The following ARHGAP26 variants were observed in gnomAD, a reference collection of about 807,000 sequenced individuals.
ARHGAP26 encodes the protein Rho GTPase activating protein 26, also known as rho GTPase-activating protein 26.
A neutral mutation model predicts 104.8 loss-of-function variants in ARHGAP26; 38 were observed. The ratio of observed to expected loss-of-function variants is 0.36; its 90% CI spans 0.28 to 0.48. The LOEUF (loss-of-function observed/expected upper bound fraction) is 0.48, where lower values mean the gene tolerates loss of function less well. Among genes scored for constraint, ARHGAP26 ranks in the 20% least tolerant of loss-of-function variants. The probability of loss-of-function intolerance (pLI) is 0.99; values close to 1 mark genes in which losing one functional copy is unlikely to be tolerated. For synonymous variants in ARHGAP26, 341 were observed against 340.0 expected (o/e 1.00, Z -0.03); for missense variants, 704 against 947.9 (o/e 0.74, Z 3.38).
chr5:143,066,849 G>T (rs3822393), intron 17 of ARHGAP26, among the ~76,000 whole-genome samples: 1 of 152,052 alleles, frequency 6.6e-6, no homozygotes, highest in Non-Finnish European at 1.5e-5. Flanking sequence ...CAGCACAGGG[G>T]CAGCTGGGAG....
At chr5:143,137,500 G>A (rs1798033271) in intron 19 of ARHGAP26, among the ~76,000 whole-genome samples, 1 of 152,158 alleles carries the variant, frequency 6.6e-6, no homozygotes, top group Non-Finnish European at 1.5e-5. Context: ...CTGGTTGGAG[G>A]GATATGCTGT....
At chr5:142,884,575 T>C (rs565981215) in intron 4 of ARHGAP26, among the ~76,000 whole-genome samples, 2 of 152,342 alleles carry the variant, frequency 1.3e-5, no homozygotes, top group Admixed American at 1.3e-4. Context: ...CAAGTTTATA[T>C]AATGCTGTTT....
At chr5:142,967,278 A>G (rs1430079285) in intron 11 of ARHGAP26, among the ~76,000 whole-genome samples, 1 of 152,190 alleles carries the variant, frequency 6.6e-6, no homozygotes, top group African/African-American at 2.4e-5. Context: ...GAGAAGTCAG[A>G]TATATGTAAA....
At chr5:142,919,084 T>C (rs1215960909) in intron 10 of ARHGAP26, 28 of 397,212 alleles carry the variant, frequency 7.0e-5, no homozygotes, top group Non-Finnish European at 3.1e-5. Context: ...AATCATATGC[T>C]GAAGTCCTAA....
chr5:142,856,488 T>G (rs1752373625), intron 1 of ARHGAP26, among the ~76,000 whole-genome samples: 1 of 152,110 alleles, frequency 6.6e-6, no homozygotes, highest in African/African-American at 2.4e-5. Flanking sequence ...CCCCTAGGTT[T>G]TGGTAACAAT....
At chr5:143,044,225 G>T (rs1475869199) in intron 14 of ARHGAP26, among the ~76,000 whole-genome samples, 1 of 152,194 alleles carries the variant, frequency 6.6e-6, no homozygotes, top group Admixed American at 6.5e-5. Flanking sequence ...CATATAACTG[G>T]TAAATCCAAG....
chr5:142,970,451 A>G (rs1280576641), intron 11 of ARHGAP26, among the ~76,000 whole-genome samples: 16 of 152,168 alleles, frequency 1.1e-4, no homozygotes, highest in Admixed American at 1.0e-3. Context: ...CTTAGGTTAC[A>G]TCTTTGTGTG....
intron 20 of ARHGAP26, among the ~76,000 whole-genome samples, chr5:143,173,743 C>T (rs1271684375): frequency 6.6e-6 from 1 of 152,110 alleles, no homozygotes; most frequent in East Asian, 1.9e-4. Context: ...CTATGAATGT[C>T]CTAAATCAGA....
intron 12 of ARHGAP26, among the ~76,000 whole-genome samples, chr5:143,023,741 G>A (rs546474220): frequency 9.5e-4 from 145 of 152,300 alleles, no homozygotes; most frequent in Non-Finnish European, 1.8e-3. Flanking sequence ...TGGCCTGGCC[G>A]CCTATGCACT....
At chr5:143,149,779 G>A (rs1799594465) in intron 20 of ARHGAP26, among the ~76,000 whole-genome samples, 2 of 152,158 alleles carry the variant, frequency 1.3e-5, no homozygotes, top group African/African-American at 4.8e-5. Flanking sequence ...AAAGAACAAA[G>A]GTGGGCTGGG....
chr5:142,801,674 TGAA>T (rs1160367305), intron 1 of ARHGAP26, among the ~76,000 whole-genome samples: 1 of 151,810 alleles, frequency 6.6e-6, no homozygotes, highest in Non-Finnish European at 1.5e-5. Context: ...AATATGATGA[TGAA>T]GAATTCCCAC....
At chr5:142,812,192 A>C (rs74561598) in intron 1 of ARHGAP26, among the ~76,000 whole-genome samples, 2,151 of 151,810 alleles carry the variant, frequency 0.014, 45 homozygotes, top group East Asian at 0.073. Context: ...TGCTGTAAGG[A>C]TCTTTTTAAC....
rs1389376856 is a variant in ARHGAP26, at chr5:142,885,415, A to G, written c.486+16A>G. Reference sequence around the variant, plus strand: ...GCTTCAGGAGGTAAGAGACTTTATTAGTATCCTGAATAAAGTGTTCAATTT... The same window carrying G: ...GCTTCAGGAGGTAAGAGACTTTATTGGTATCCTGAATAAAGTGTTCAATTT... On this transcript the variant is annotated intron_variant, in intron 5 of 22. Transcript: ENST00000645722. 6 of 1,588,124 alleles carry G rather than the reference A, an allele frequency of 3.8e-6. No individual in the cohort carries two copies. The highest frequency in any genetic ancestry group is 1.1e-5 in the South Asian group (1 of 90,034).
At chr5:143,056,115 G>A in intron 16 of ARHGAP26, 29 bp downstream of exon 16, 1 of 1,580,178 alleles carries the variant, frequency 6.3e-7, no homozygotes, top group Non-Finnish European at 8.7e-7. Flanking sequence ...AGTTTTAAGG[G>A]GAAGAGAATA....
At chr5:143,144,339 A>G (rs1798907029) in intron 19 of ARHGAP26, among the ~76,000 whole-genome samples, 1 of 152,098 alleles carries the variant, frequency 6.6e-6, no homozygotes, top group African/African-American at 2.4e-5. Context: ...AGCAGTACTC[A>G]TTTGCCTAGC....
At chr5:143,049,104 T>C (rs1298773678) in intron 14 of ARHGAP26, among the ~76,000 whole-genome samples, 1 of 152,174 alleles carries the variant, frequency 6.6e-6, no homozygotes, top group African/African-American at 2.4e-5. Flanking sequence ...ATCATTCTTT[T>C]ATACATATTG....
At chr5:143,116,206 TA>T (rs1363924002) in intron 17 of ARHGAP26, among the ~76,000 whole-genome samples, 2 of 152,348 alleles carry the variant, frequency 1.3e-5, no homozygotes, top group East Asian at 3.9e-4. Flanking sequence ...CAGATAAATG[TA>T]AAAAGTTGTT....
intron 20 of ARHGAP26, among the ~76,000 whole-genome samples, chr5:143,179,333 G>A (rs979810956): frequency 1.3e-5 from 2 of 152,226 alleles, no homozygotes; most frequent in Non-Finnish European, 2.9e-5. Flanking sequence ...CTTGTTGGGT[G>A]TACGAGCAAG....
chr5:142,987,597 G>A (rs536055983), intron 11 of ARHGAP26, among the ~76,000 whole-genome samples: 10 of 152,264 alleles, frequency 6.6e-5, no homozygotes, highest in African/African-American at 2.4e-4. Context: ...AATGCTTCCA[G>A]TTTTTGCCCA....
Sources: gnomAD v4.1 joint callset for allele counts (sites outside exome capture counted in the v4.1 genomes callset) on GRCh38, gnomAD v4.1.1 for gene constraint, MANE v1.5 for transcripts, NCBI Gene and HGNC (gene_info 2026-07-23, HGNC 2026-07-21) for gene names.